The following STAB2 variants were observed in gnomAD, a reference collection of about 807,000 sequenced individuals.
The protein encoded by STAB2 is stabilin-2.
A neutral mutation model predicts 338.1 loss-of-function variants in STAB2; 288 were observed. That is an observed-to-expected ratio of 0.85 (90% CI 0.77 to 0.94). The LOEUF is 0.94. Ranked by LOEUF, STAB2 falls within the 40% of genes least tolerant of loss-of-function variation. The pLI, the probability that STAB2 is intolerant of heterozygous loss-of-function variation, is 0.00. For synonymous variants in STAB2, 1,202 were observed against 1,193.3 expected, an observed-to-expected ratio of 1.01 and a Z score of -0.15; for missense variants, 3,141 against 3,210.1, an observed-to-expected ratio of 0.98 and a Z score of 0.52.
chr12:103,673,675 T>C (rs779884623), intron 22 of STAB2, among the ~76,000 whole-genome samples: 1 of 152,090 alleles, frequency 6.6e-6, no homozygotes, highest in Non-Finnish European at 1.5e-5. Flanking sequence ...ACCAAGTTCT[T>C]CCCCTCCTGG....
chr12:103,676,052 TG>T, intron 24 of STAB2, 31 bp downstream of exon 24: 1 of 1,228,142 alleles, frequency 8.1e-7, no homozygotes, highest in Admixed American at 2.7e-5. Flanking sequence ...CCACCCTGCC[TG>T]GTTTCTTTTT....
intron 3 of STAB2, among the ~76,000 whole-genome samples, chr12:103,614,197 A>T (rs1447070308): frequency 6.6e-6 from 1 of 152,156 alleles, no homozygotes; most frequent in East Asian, 1.9e-4. Context: ...GGTGCTTCTT[A>T]TTCTTGTACT....
At chr12:103,634,207 G>T (rs1339570981) in intron 6 of STAB2, among the ~76,000 whole-genome samples, 1 of 152,104 alleles carries the variant, frequency 6.6e-6, no homozygotes, top group Non-Finnish European at 1.5e-5. Flanking sequence ...GTGTCCCAAG[G>T]TACTACAATC....
chr12:103,763,626 T>C lies in STAB2; in HGVS notation c.7605+18T>C, dbSNP rs1267432002. 3 of 1,605,376 alleles carry C rather than the reference T, an allele frequency of 1.9e-6. No homozygotes were observed. In the African/African-American group the frequency reaches 4.0e-5, roughly 21 times the overall value. ...CCTTCACGGTGAGTTTGCATTCTTATCTAGGAATAGGTTCCCTTGGGGTAC... is the reference window on the plus strand; with the variant it reads ...CCTTCACGGTGAGTTTGCATTCTTACCTAGGAATAGGTTCCCTTGGGGTAC... On this transcript the variant is annotated intron_variant, in intron 68 of 68. Coordinates refer to ENST00000388887, the MANE Select transcript of STAB2 (RefSeq NM_017564.10).
intron 58 of STAB2, among the ~76,000 whole-genome samples, chr12:103,747,148 C>A (rs1883124545): frequency 6.6e-6 from 1 of 151,798 alleles, no homozygotes. Flanking sequence ...TCTAACTCTA[C>A]AAGTAATCCA....
chr12:103,748,365 T>C (rs1408734837), intron 58 of STAB2, among the ~76,000 whole-genome samples: 1 of 152,084 alleles, frequency 6.6e-6, no homozygotes, highest in African/African-American at 2.4e-5. Context: ...TGGGTCGATA[T>C]TTGGGGGATC....
chr12:103,763,180 G>A (rs1050025761), intron 67 of STAB2: 2 of 274,424 alleles, frequency 7.3e-6, no homozygotes, highest in South Asian at 7.6e-5. Flanking sequence ...CAGGGTGATG[G>A]GAGTCAGAAC....
chr12:103,677,475 C>T lies in STAB2; in HGVS notation c.2669C>T (p.Thr890Met), dbSNP rs149772026. 80 of 1,612,480 alleles carry T rather than the reference C, an allele frequency of 5.0e-5. No individual in the cohort carries two copies. The African/African-American group carries it at 5.5e-4, about 11-fold the overall frequency. Reference protein sequence around the residue: ...SRNAECIKTGTGTHTCVCQQG... With the variant: ...SRNAECIKTGMGTHTCVCQQG... ...CAGGCAGAATGCATCAAAACTGGCA[C>T]GGGCACCCACACCTGCGTGTGTCAG... Residue 890 changes from threonine to methionine, a missense_variant, in exon 25 of 69, where the codon ACG becomes ATG. Transcript: ENST00000388887.
chr12:103,759,063 C>A, intron 64 of STAB2, 70 bp from the exon 65 acceptor site: 1 of 1,611,598 alleles, frequency 6.2e-7, no homozygotes, highest in South Asian at 1.1e-5. Context: ...TCTTCGTCAT[C>A]CCCATCATTA....
intron 15 of STAB2, among the ~76,000 whole-genome samples, chr12:103,658,458 C>A (rs1874359161): frequency 1.3e-5 from 2 of 152,266 alleles, no homozygotes; most frequent in South Asian, 4.1e-4. Flanking sequence ...GGATCAATTT[C>A]TTTGTCCCTC....
intron 33 of STAB2, among the ~76,000 whole-genome samples, chr12:103,697,128 C>G (rs532745323): frequency 2.0e-5 from 3 of 152,176 alleles, no homozygotes; most frequent in African/African-American, 7.2e-5. Context: ...CTCAGGGAAG[C>G]TGGCCCTGGC....
intron 68 of STAB2, among the ~76,000 whole-genome samples, chr12:103,764,317 A>G (rs1377149956): frequency 1.3e-5 from 2 of 152,198 alleles, no homozygotes; most frequent in Non-Finnish European, 2.9e-5. Flanking sequence ...TTGTTGTCAG[A>G]GCTGCTGCTT....
chr12:103,690,540 T>G lies in STAB2; in HGVS notation c.3297+2T>G. The G allele has an allele frequency of 5.0e-6, 8 of 1,611,430 alleles. No individual in the cohort carries two copies. The highest frequency in any genetic ancestry group is 6.8e-6 in the Non-Finnish European group (8 of 1,178,762). On this transcript the variant is annotated splice_donor_variant, in intron 30 of 68. Transcript: ENST00000388887. LOFTEE classifies it high-confidence loss of function. Reference sequence around the variant, plus strand: ...CTTCACTTGGCAAAGGTGGATGGGGTAAGAGCTCTGGAATTTGTCTGTTTA... The same window carrying G: ...CTTCACTTGGCAAAGGTGGATGGGGGAAGAGCTCTGGAATTTGTCTGTTTA...
At chr12:103,733,360 C>A (rs1391158548) in intron 51 of STAB2, among the ~76,000 whole-genome samples, 178 bp downstream of exon 51, 1 of 152,142 alleles carries the variant, frequency 6.6e-6, no homozygotes, top group African/African-American at 2.4e-5. Context: ...TTGATTGGCT[C>A]CTGCAGTATA....
Position 103,731,653 on chromosome 12 carries a change from G to A in STAB2, c.5283+18G>A, listed in dbSNP as rs758368296. 6.2e-7 allele frequency: 1 copy of A among 1,609,396 alleles called. No individual in the cohort carries two copies. The highest frequency in any genetic ancestry group is 1.1e-5 in the South Asian group (1 of 89,840). On this transcript the variant is annotated intron_variant, in intron 50 of 68. Transcript: ENST00000388887. ...TAATACAGGTAAAAATTTAGGGGAAGTTGACTCAGAGGATAACCTGCCTAA... is the reference window on the plus strand; with the variant it reads ...TAATACAGGTAAAAATTTAGGGGAAATTGACTCAGAGGATAACCTGCCTAA...
At chr12:103,649,993 A>G (rs377689530) in intron 10 of STAB2, among the ~76,000 whole-genome samples, 2 of 152,152 alleles carry the variant, frequency 1.3e-5, no homozygotes, top group East Asian at 1.9e-4. Context: ...TGGAAGCAGG[A>G]TTACCTACAT....
At chr12:103,670,141 CTT>C (rs923381613) in intron 21 of STAB2, among the ~76,000 whole-genome samples, 12 of 151,412 alleles carry the variant, frequency 7.9e-5, no homozygotes, top group African/African-American at 2.4e-4. Context: ...TAAAACGTGG[CTT>C]TTTCAAGGGG....
At position 103,668,670 on chromosome 12, in the gene STAB2, A is replaced by ACACAGAT; in HGVS notation, c.2113_2114insCACAGAT (p.Ser705ThrfsTer34). On this transcript the variant is annotated frameshift_variant, in exon 20 of 69. Transcript: ENST00000388887. LOFTEE classifies it high-confidence loss of function. ...ACTCTTCACACACAGATGTGTCTACAGTGGCAGGTTTGGGAGCCTGAAGAG... is the reference window on the plus strand; with the variant it reads ...ACTCTTCACACACAGATGTGTCTACACACAGATGTGGCAGGTTTGGGAGCCTGAAGAG... 1.3e-6 allele frequency: 2 copies of ACACAGAT among 1,551,810 alleles called. No homozygotes were observed. Among genetic ancestry groups the ACACAGAT allele is most frequent in the Non-Finnish European group, 1.7e-6 (2 of 1,147,064 alleles).
chr12:103,735,872 G>C (rs1335716302), intron 52 of STAB2, among the ~76,000 whole-genome samples: 1 of 152,088 alleles, frequency 6.6e-6, no homozygotes, highest in African/African-American at 2.4e-5. Flanking sequence ...ATTTTCCAAT[G>C]TGAGATACTT....
Sources: gnomAD v4.1 joint callset for allele counts (sites outside exome capture counted in the v4.1 genomes callset) on GRCh38, gnomAD v4.1.1 for gene constraint, MANE v1.5 for transcripts, NCBI Gene and HGNC (gene_info 2026-07-23, HGNC 2026-07-21) for gene names.